Variants in TBC1D14 observed in about 807,000 individuals in gnomAD.
TBC1D14 encodes the protein TBC1 domain family member 14, also known as TBC1 domain family, member 14.
A neutral mutation model predicts 79.0 loss-of-function variants in TBC1D14; 26 were observed. The observed-to-expected ratio is 0.33, with a 90% CI of 0.24 to 0.46. The LOEUF (loss-of-function observed/expected upper bound fraction) is 0.46. TBC1D14 is among the 20% of genes least tolerant of loss of function. The pLI is 1.00. For missense variants in TBC1D14, 769 were observed against 887.6 expected (o/e 0.87, Z 1.70); for synonymous variants, 394 against 349.9 (o/e 1.13, Z -1.40).
intron 3 of TBC1D14, among the ~76,000 whole-genome samples, chr4:6,991,395 C>T (rs930395570): frequency 4.6e-5 from 7 of 152,134 alleles, no homozygotes; most frequent in South Asian, 4.1e-4. Flanking sequence ...ACTTGCCCGC[C>T]GGGTAAGTCA....
chr4:6,957,255 T>C lies in TBC1D14; in HGVS notation c.723-10049T>C, dbSNP rs115523978. Among the ~76,000 whole-genome samples the C allele has an allele frequency of 8.7e-3, 1,324 of 152,350 alleles. 15 individuals carry two copies. Among genetic ancestry groups the C allele is most frequent in the African/African-American group, 0.029 (1,197 of 41,594 alleles). ...TGGGTGACCTTGAGAACTGACCTAA[T>C]GTCTAGGCTATTTTCCTTGGAACAC... On this transcript the variant is annotated intron_variant, in intron 2 of 13. Coordinates refer to ENST00000409757, the MANE Select transcript of TBC1D14 (RefSeq NM_020773.3).
intron 3 of TBC1D14, among the ~76,000 whole-genome samples, chr4:6,991,334 G>A (rs758072261): frequency 6.6e-5 from 10 of 152,216 alleles, no homozygotes; most frequent in Non-Finnish European, 1.3e-4. Context: ...ATTCTGTGAT[G>A]AGGAGTGTGG....
rs1724031688 is a variant in TBC1D14 at position 6,923,554 on chromosome 4, A to G, written c.165A>G (p.Leu55=). Residue 55 remains leucine (L), a synonymous_variant, in exon 2 of 14, where the codon TTA becomes TTG. Coordinates refer to ENST00000409757, the MANE Select transcript of TBC1D14 (RefSeq NM_020773.3). ...EYGPKLKLRA[L]EDRHSLQSVD... ...GGCCCAAGCTGAAACTCAGGGCTTT[A>G]GAAGACCGGCACAGCCTCCAGTCCG... 2.5e-6 allele frequency: 4 copies of G among 1,614,142 alleles called. No individual in the cohort carries two copies. In the African/African-American group the frequency reaches 4.0e-5, roughly 16 times the overall value.
intron 6 of TBC1D14, among the ~76,000 whole-genome samples, chr4:6,999,607 G>C (rs1577147575): frequency 6.6e-6 from 1 of 152,156 alleles, no homozygotes; most frequent in African/African-American, 2.4e-5. Flanking sequence ...CCTCTCCCTA[G>C]GGAGCCCCCC....
intron 5 of TBC1D14, among the ~76,000 whole-genome samples, chr4:6,998,277 T>G (rs1719273483): frequency 6.6e-6 from 1 of 151,702 alleles, no homozygotes; most frequent in Non-Finnish European, 1.5e-5. Context: ...GGAGAATTGC[T>G]TGAACCCGGG....
At chr4:6,925,426 C>T (rs1187144167) in intron 2 of TBC1D14, among the ~76,000 whole-genome samples, 12 of 152,162 alleles carry the variant, frequency 7.9e-5, no homozygotes, top group East Asian at 1.9e-4. Flanking sequence ...ATTGCAGTAC[C>T]GGGTGTCCCT....
chr4:6,929,563 G>T (rs1267648381), intron 2 of TBC1D14, among the ~76,000 whole-genome samples: 3 of 152,166 alleles, frequency 2.0e-5, no homozygotes, highest in Admixed American at 6.5e-5. Context: ...GGGCAGGAGA[G>T]AGCCCAGCCT....
chr4:6,964,330 A>G (rs1412163509), intron 2 of TBC1D14, among the ~76,000 whole-genome samples: 1 of 152,030 alleles, frequency 6.6e-6, no homozygotes, highest in East Asian at 1.9e-4. Context: ...CTTCTGTGCA[A>G]TTCTCCCGTC....
In TBC1D14 at chr4:6,935,566, C is replaced by A. The variant is rs576756290; in HGVS notation, c.722+11455C>A. 4.6e-5 allele frequency among the ~76,000 whole-genome samples: 7 copies of A among 152,166 alleles called. No homozygotes were observed. The South Asian group carries it at 1.4e-3, about 32-fold the overall frequency. ...CTCTCCCTTTTCCTCTTCCTCCTCT[C>A]CCTTTCCCTCTCCCTCTCTCCCCCT... is the stretch of plus-strand genomic sequence containing the variant. On this transcript the variant is annotated intron_variant, in intron 2 of 13. Transcript: ENST00000409757.
chr4:6,987,110 A>G, intron 3 of TBC1D14: 2 of 983,588 alleles, frequency 2.0e-6, no homozygotes, highest in African/African-American at 1.9e-5. Flanking sequence ...CTCGCCGCTC[A>G]TCAGCCCCGC....
chr4:7,018,215 TGGCGG>T (rs1560356827), intron 12 of TBC1D14, among the ~76,000 whole-genome samples: 1 of 152,186 alleles, frequency 6.6e-6, no homozygotes. Context: ...GCACTGTGCC[TGGCGG>T]GGTATAAAGC....
In TBC1D14 at chr4:7,025,169, C is replaced by T. The variant is rs1336684192; in HGVS notation, c.1923C>T (p.Phe641=). 6.2e-7 allele frequency: 1 copy of T among 1,614,228 alleles called. No individual in the cohort carries two copies. Among genetic ancestry groups the T allele is most frequent in the Non-Finnish European group, 8.5e-7 (1 of 1,180,044 alleles). Residue 641 remains phenylalanine, a synonymous_variant, in exon 13 of 14, where the codon TTC becomes TTT. Coordinates refer to ENST00000409757, the MANE Select transcript of TBC1D14 (RefSeq NM_020773.3). ...TGGACTTCATTCACATGGCCCAGTT[C>T]CTGACCCGGCTGCCCGAGGACCTGC... ...TKMDFIHMAQ[F]LTRLPEDLPA... is the part of the protein sequence containing the mutation.
chr4:6,948,140 A>G (rs1310330892), intron 2 of TBC1D14, among the ~76,000 whole-genome samples: 1 of 152,190 alleles, frequency 6.6e-6, no homozygotes, highest in Non-Finnish European at 1.5e-5. Context: ...TATGTAAAGG[A>G]GAGCAAAGCC....
At chr4:6,991,584 G>A (rs1047514558) in intron 3 of TBC1D14, among the ~76,000 whole-genome samples, 11 of 152,164 alleles carry the variant, frequency 7.2e-5, no homozygotes, top group African/African-American at 2.2e-4. Context: ...TTGAACCTTC[G>A]TTGGGCCATC....
intron 10 of TBC1D14, 28 bp downstream of exon 10, chr4:7,009,976 A>G (rs1560344666): frequency 6.2e-7 from 1 of 1,612,198 alleles, no homozygotes; most frequent in South Asian, 1.1e-5. Context: ...GTATTTTATA[A>G]TGTTGTTATC....
chr4:6,970,663 G>C (rs1716141928), intron 3 of TBC1D14, among the ~76,000 whole-genome samples: 1 of 152,176 alleles, frequency 6.6e-6, no homozygotes, highest in Non-Finnish European at 1.5e-5. Flanking sequence ...GGCTGAGCTG[G>C]GGTCAGGTGT....
intron 3 of TBC1D14, among the ~76,000 whole-genome samples, chr4:6,978,154 CGG>C (rs1357116067): frequency 3.9e-5 from 5 of 128,588 alleles, no homozygotes; most frequent in African/African-American, 6.1e-5. Flanking sequence ...CCGCCCCGTC[CGG>C]GAGGTGAGGG....
intron 2 of TBC1D14, 93 bp downstream of exon 2, chr4:6,924,204 G>T: frequency 6.9e-7 from 1 of 1,459,792 alleles, no homozygotes; most frequent in African/African-American, 1.4e-5. Context: ...GTTCTCTGTG[G>T]TGTTAGGCAG....
At chr4:6,984,509 T>A (rs7668802) in intron 3 of TBC1D14, among the ~76,000 whole-genome samples, 10,314 of 152,258 alleles carry the variant, frequency 0.068, 427 homozygotes, top group African/African-American at 0.12. Context: ...TTTGATGCCA[T>A]CTGAATTAGC....
Sources: gnomAD v4.1 joint callset for allele counts (sites outside exome capture counted in the v4.1 genomes callset) on GRCh38, gnomAD v4.1.1 for gene constraint, MANE v1.5 for transcripts, NCBI Gene and HGNC (gene_info 2026-07-23, HGNC 2026-07-21) for gene names.